DOCK2: variants seen among roughly 807,000 people sequenced by gnomAD.
The protein encoded by DOCK2 is dedicator of cytokinesis 2, also known as dedicator of cytokinesis protein 2.
DOCK2 carries 87 observed loss-of-function variants against 248.9 expected under a neutral mutation model. The observed-to-expected ratio is 0.35, with a 90% CI of 0.29 to 0.42. The LOEUF (loss-of-function observed/expected upper bound fraction) is 0.42. Ranked by LOEUF, DOCK2 falls within the 10% of genes least tolerant of loss-of-function variation. DOCK2 has a pLI of 1.00. For synonymous variants in DOCK2, 805 were observed against 821.6 expected (o/e 0.98, Z 0.35); for missense variants, 1,747 against 2,300.2 (o/e 0.76, Z 4.92).
chr5:169,684,102 C>A, intron 7 of DOCK2, 94 bp from the exon 8 acceptor site: 1 of 1,497,770 alleles, frequency 6.7e-7, no homozygotes. Context: ...AAACTTTAGG[C>A]TTGAACCCAA....
intron 14 of DOCK2, among the ~76,000 whole-genome samples, chr5:169,705,790 T>G (rs1761227536): frequency 6.6e-6 from 1 of 152,200 alleles, no homozygotes; most frequent in South Asian, 2.1e-4. Context: ...TCCTACCAAG[T>G]AAACAGGACA....
At chr5:169,900,427 G>C (rs773227063) in intron 27 of DOCK2, among the ~76,000 whole-genome samples, 1 of 152,178 alleles carries the variant, frequency 6.6e-6, no homozygotes, top group African/African-American at 2.4e-5. Context: ...TAATTATCGT[G>C]GCTGGGCGAG....
Position 170,008,568 on chromosome 5 carries a change from A to G in DOCK2, c.3144A>G (p.Ser1048=), listed in dbSNP as rs749558112. ...TQDSLQLEQF[S]HAKYNKILNK... is the part of the protein sequence containing the mutation. ...ATTCTCTGCAGCTGGAGCAGTTCTC[A>G]CACGCCAAATACAACAAAATCCTGA... Residue 1048 remains serine (S), a synonymous_variant, in exon 31 of 52, where the codon TCA becomes TCG. Coordinates refer to ENST00000520908, the MANE Select transcript of DOCK2 (RefSeq NM_004946.3). 6 of 1,614,076 alleles carry G rather than the reference A, an allele frequency of 3.7e-6. No homozygotes were observed. The highest frequency in any genetic ancestry group is 5.1e-6 in the Non-Finnish European group (6 of 1,179,970).
chr5:169,736,121 A>G (rs1025170090), intron 22 of DOCK2, among the ~76,000 whole-genome samples: 4 of 152,230 alleles, frequency 2.6e-5, no homozygotes, highest in Non-Finnish European at 5.9e-5. Flanking sequence ...CCCTCCCCCA[A>G]CATTGTAAAT....
At chr5:169,678,427 C>A (rs1008774876) in intron 6 of DOCK2, among the ~76,000 whole-genome samples, 2 of 152,010 alleles carry the variant, frequency 1.3e-5, no homozygotes, top group African/African-American at 4.8e-5. Context: ...CCATGCCAGG[C>A]TAATTTTTGT....
chr5:169,927,628 G>GT (rs1256747207), intron 27 of DOCK2, among the ~76,000 whole-genome samples: 3 of 152,220 alleles, frequency 2.0e-5, no homozygotes, highest in Admixed American at 6.5e-5. Context: ...AAAAATTCTT[G>GT]TTTTTTGAGA....
At chr5:169,714,321 C>T (rs745772792) in intron 18 of DOCK2, 39 bp from the exon 19 acceptor site, 3 of 1,613,282 alleles carry the variant, frequency 1.9e-6, no homozygotes, top group Admixed American at 3.3e-5. Context: ...GACAGTTAGG[C>T]CAGTAATGAT....
chr5:169,692,548 T>C (rs76233001), intron 9 of DOCK2, among the ~76,000 whole-genome samples: 6,777 of 148,978 alleles, frequency 0.045, 192 homozygotes, highest in Middle Eastern at 0.14. Flanking sequence ...GGGGGGGCGC[T>C]GTCCGATGAG....
At chr5:169,708,096 G>A in intron 14 of DOCK2, 73 bp from the exon 15 acceptor site, 2 of 1,534,308 alleles carry the variant, frequency 1.3e-6, no homozygotes, top group Non-Finnish European at 8.9e-7. Flanking sequence ...CGTGGCCTAG[G>A]GACCAAACCT....
At position 169,751,786 on chromosome 5, in the gene DOCK2, C is replaced by G. The variant is rs149273799; in HGVS notation, c.2376+4282C>G. Among the ~76,000 whole-genome samples, 481 of 152,310 alleles carry G rather than the reference C, an allele frequency of 3.2e-3. 1 individual carries two copies. The highest frequency in any genetic ancestry group is 4.0e-3 in the Non-Finnish European group (269 of 68,020). On this transcript the variant is annotated intron_variant, in intron 23 of 51. Transcript: ENST00000520908. ...AGGAAAGGAGCAATAAAAACACTTT[C>G]TGCTGATCAGGTACCTACCATGTTC...
chr5:169,883,191 C>A, intron 27 of DOCK2: 1 of 1,551,594 alleles, frequency 6.4e-7, no homozygotes, highest in African/African-American at 1.4e-5. Flanking sequence ...GTGTGTCATC[C>A]AAAGGGTGTA....
intron 33 of DOCK2, 136 bp downstream of exon 33, chr5:170,019,244 C>T (rs779207650): frequency 4.8e-5 from 65 of 1,341,882 alleles, no homozygotes; most frequent in African/African-American, 2.2e-4. Context: ...TTCATGGGTC[C>T]GGAATGAGCT....
intron 46 of DOCK2, among the ~76,000 whole-genome samples, chr5:170,072,061 G>T (rs189742774): frequency 7.4e-4 from 112 of 152,184 alleles, no homozygotes; most frequent in Admixed American, 2.0e-3. Flanking sequence ...TCAGCTTGGG[G>T]CTATTATAAG....
At chr5:170,001,217 G>A (rs1462239859) in intron 30 of DOCK2, among the ~76,000 whole-genome samples, 1 of 152,162 alleles carries the variant, frequency 6.6e-6, no homozygotes, top group African/African-American at 2.4e-5. Context: ...GAGGAGGGCA[G>A]GCTGACTGCA....
chr5:169,682,509 G>T (rs1759721943), intron 7 of DOCK2, among the ~76,000 whole-genome samples: 1 of 152,222 alleles, frequency 6.6e-6, no homozygotes, highest in Admixed American at 6.5e-5. Context: ...GATCTCAAAG[G>T]GCCTGAGGGG....
At chr5:169,884,786 G>A (rs1772872238) in intron 27 of DOCK2, 1 of 152,276 alleles carries the variant, frequency 6.6e-6, no homozygotes, top group African/African-American at 2.4e-5. Context: ...GATGAGCTGG[G>A]GTCTGATATC....
At chr5:170,033,283 C>T (rs1756208255) in intron 34 of DOCK2, among the ~76,000 whole-genome samples, 1 of 152,156 alleles carries the variant, frequency 6.6e-6, no homozygotes, top group South Asian at 2.1e-4. Context: ...CTCTACCACA[C>T]AATGCCTAGC....
chr5:169,988,124 TC>T (rs1053483338), intron 29 of DOCK2, among the ~76,000 whole-genome samples: 2 of 152,214 alleles, frequency 1.3e-5, no homozygotes, highest in Non-Finnish European at 2.9e-5. Context: ...TGTGTTAATG[TC>T]AACCAGAAAA....
Position 170,081,884 on chromosome 5 carries a change from C to G in DOCK2, c.5330C>G (p.Ala1777Gly). The change falls in exon 51 of 52, where the codon GCC (alanine) becomes GGC (glycine). Residue 1777 changes from alanine (A) to glycine (G), a missense_variant. Ala to Gly is a moderately conservative substitution (Grantham distance 60). Around this residue, in one of 4 missense-constraint regions of DOCK2, gnomAD observed 513 missense variants for 586.1 expected, o/e 0.88. Transcript: ENST00000520908. ...SVAGIPGLDE[A>G]NTSPRLSQTF... Reference sequence around the variant, plus strand: ...GCAGGCATCCCTGGGTTGGATGAGGCCAACACATCTCCCCGCCTCAGCCAG... The same window carrying G: ...GCAGGCATCCCTGGGTTGGATGAGGGCAACACATCTCCCCGCCTCAGCCAG... 6.2e-7 allele frequency: 1 copy of G among 1,613,838 alleles called. No homozygotes were observed. The highest frequency in any genetic ancestry group is 1.1e-5 in the South Asian group (1 of 91,062).
Sources: allele counts gnomAD v4.1 joint callset (sites outside exome capture counted in the v4.1 genomes callset), GRCh38; gene constraint gnomAD v4.1.1; regional missense constraint gnomAD v4.1.1; transcripts MANE v1.5; gene names NCBI Gene and HGNC (gene_info 2026-07-23, HGNC 2026-07-21).